Variants in DBT observed in about 807,000 individuals in gnomAD.
DBT encodes dihydrolipoamide branched chain transacylase E2, also known as lipoamide acyltransferase component of branched-chain alpha-keto acid dehydrogenase complex, mitochondrial.
Under a neutral mutation model 51.3 loss-of-function variants are expected in DBT, and 40 were observed. That is an observed-to-expected ratio of 0.78 (90% CI 0.61 to 1.02). DBT has a LOEUF of 1.02. Ranked by LOEUF, DBT falls within the 50% of genes least tolerant of loss-of-function variation. The pLI, the probability that DBT is intolerant of heterozygous loss-of-function variation, is 0.00. For synonymous variants in DBT, 181 were observed against 190.4 expected (o/e 0.95, Z 0.41); for missense variants, 510 against 580.2 (o/e 0.88, Z 1.24).
chr1:100,216,397 G>A (rs1175095879), intron 5 of DBT, among the ~76,000 whole-genome samples, 198 bp from the exon 6 acceptor site: 2 of 151,976 alleles, frequency 1.3e-5, no homozygotes, highest in Non-Finnish European at 2.9e-5. Context: ...TAACCATCAG[G>A]TATCTATATT....
chr1:100,248,281 T>A (rs548049301), intron 1 of DBT, among the ~76,000 whole-genome samples: 2 of 152,178 alleles, frequency 1.3e-5, no homozygotes, highest in African/African-American at 4.8e-5. Context: ...AATGAACTAC[T>A]AGGGAAATGA....
At chr1:100,227,909 C>T (rs553052300) in intron 4 of DBT, among the ~76,000 whole-genome samples, 6 of 152,008 alleles carry the variant, frequency 3.9e-5, no homozygotes, top group East Asian at 3.9e-4. Flanking sequence ...AGTGCAGGGG[C>T]GCAATCTTGG....
chr1:100,218,436 T>C (rs924109028), intron 5 of DBT, among the ~76,000 whole-genome samples, 190 bp downstream of exon 5: 3 of 152,236 alleles, frequency 2.0e-5, no homozygotes, highest in Non-Finnish European at 4.4e-5. Context: ...CAATTGATAG[T>C]AAGTAATAAG....
At chr1:100,211,918 T>C (rs2100790731) in intron 7 of DBT, among the ~76,000 whole-genome samples, 1 of 152,202 alleles carries the variant, frequency 6.6e-6, no homozygotes, top group African/African-American at 2.4e-5. Context: ...ACTATAGGCG[T>C]GTGCCACCAT....
chr1:100,228,907 T>C (rs1054569845), intron 4 of DBT, among the ~76,000 whole-genome samples: 1 of 152,210 alleles, frequency 6.6e-6, no homozygotes, highest in African/African-American at 2.4e-5. Context: ...ATATCTGGAA[T>C]GATATACACG....
At chr1:100,239,972 A>G (rs1664115678) in intron 2 of DBT, among the ~76,000 whole-genome samples, 2 of 152,130 alleles carry the variant, frequency 1.3e-5, no homozygotes, top group Admixed American at 1.3e-4. Context: ...TATCTGTCAA[A>G]AACTTAATAG....
chr1:100,236,039 C>T (rs554625594), intron 2 of DBT, among the ~76,000 whole-genome samples: 3 of 152,160 alleles, frequency 2.0e-5, no homozygotes, highest in South Asian at 2.1e-4. Context: ...ATCCCTAAGT[C>T]GTCTCTTTCC....
intron 4 of DBT, 57 bp downstream of exon 4, chr1:100,230,676 A>G (rs1663499489): frequency 5.1e-6 from 6 of 1,169,662 alleles, no homozygotes; most frequent in Non-Finnish European, 7.5e-6. Flanking sequence ...TTGGGACCCA[A>G]TGACAAAAAG....
intron 6 of DBT, 54 bp from the exon 7 acceptor site, chr1:100,215,037 C>CTTTT: frequency 4.1e-6 from 4 of 964,198 alleles, no homozygotes; most frequent in South Asian, 1.5e-5. Context: ...TCTCTTCATC[C>CTTTT]TTTTTTTTTT....
intron 4 of DBT, among the ~76,000 whole-genome samples, chr1:100,224,754 C>T (rs974943640): frequency 3.3e-5 from 5 of 151,800 alleles, no homozygotes; most frequent in Admixed American, 6.6e-5. Context: ...TGGTAGCTCA[C>T]GCCTGTAATC....
At chr1:100,221,670 A>C (rs911834536) in intron 4 of DBT, among the ~76,000 whole-genome samples, 1 of 152,224 alleles carries the variant, frequency 6.6e-6, no homozygotes. Context: ...AGGGAATTAG[A>C]GTACAGTTTT....
At chr1:100,215,853 T>C in intron 6 of DBT, 130 bp downstream of exon 6, 1 of 708,514 alleles carries the variant, frequency 1.4e-6, no homozygotes, top group African/African-American at 1.8e-5. Flanking sequence ...AAAAATTATA[T>C]GCTGACTGAA....
chr1:100,239,735 C>A (rs1331825062), intron 2 of DBT, among the ~76,000 whole-genome samples: 1 of 151,624 alleles, frequency 6.6e-6, no homozygotes, highest in Non-Finnish European at 1.5e-5. Context: ...TAGTGATGCA[C>A]ACCTGTAGTC....
chr1:100,229,919 T>C (rs542326083), intron 4 of DBT, among the ~76,000 whole-genome samples: 1 of 152,376 alleles, frequency 6.6e-6, no homozygotes, highest in East Asian at 1.9e-4. Flanking sequence ...ATCTATCACT[T>C]GTAAGTCCCA....
chr1:100,210,349 TAA>T (rs1662064652), intron 8 of DBT, among the ~76,000 whole-genome samples: 4 of 127,792 alleles, frequency 3.1e-5, no homozygotes, highest in Admixed American at 3.1e-4. Context: ...AGAAGAAGAA[TAA>T]GAATAATAAT....
At chr1:100,196,496 G>A in intron 10 of DBT, 74 bp from the exon 11 acceptor site, 1 of 1,521,820 alleles carries the variant, frequency 6.6e-7, no homozygotes, top group Non-Finnish European at 8.8e-7. Context: ...CAGAGCTCAA[G>A]CTCTAACAAT....
At chr1:100,218,197 G>A (rs910931368) in intron 5 of DBT, among the ~76,000 whole-genome samples, 2 of 152,104 alleles carry the variant, frequency 1.3e-5, no homozygotes, top group African/African-American at 4.8e-5. Flanking sequence ...GGCAAGCTTT[G>A]GGACAGGCCA....
chr1:100,201,398 CTA>C (rs903920328), intron 10 of DBT, among the ~76,000 whole-genome samples: 9 of 152,038 alleles, frequency 5.9e-5, no homozygotes, highest in African/African-American at 1.9e-4. Flanking sequence ...AAATATGAGA[CTA>C]TGTGAAAAAG....
chr1:100,215,802 A>G (rs1391134724), intron 6 of DBT, among the ~76,000 whole-genome samples, 181 bp downstream of exon 6: 1 of 152,180 alleles, frequency 6.6e-6, no homozygotes, highest in Non-Finnish European at 1.5e-5. Flanking sequence ...AGTCTGGACA[A>G]CAAGAACAAA....
Sources: allele counts gnomAD v4.1 joint callset (sites outside exome capture counted in the v4.1 genomes callset), GRCh38; gene constraint gnomAD v4.1.1; transcripts MANE v1.5; gene names NCBI Gene and HGNC (gene_info 2026-07-23, HGNC 2026-07-21).